The following CCDC3 variants were observed in gnomAD, a reference collection of about 807,000 sequenced individuals.
CCDC3 encodes coiled-coil domain containing 3.
Under a neutral mutation model 21.4 loss-of-function variants are expected in CCDC3, and 24 were observed. That is an observed-to-expected ratio of 1.12 (90% CI 0.81 to 1.58). CCDC3 has a LOEUF of 1.58. CCDC3 is among the 40% of genes most tolerant of loss of function. CCDC3 has a pLI of 0.00. For synonymous variants in CCDC3, 186 were observed against 166.0 expected (o/e 1.12, Z -0.93); for missense variants, 425 against 360.9 (o/e 1.18, Z -1.44).
At chr10:12,958,058 C>A (rs1016035449) in intron 2 of CCDC3, among the ~76,000 whole-genome samples, 2 of 152,020 alleles carry the variant, frequency 1.3e-5, no homozygotes, top group Non-Finnish European at 2.9e-5. Context: ...AACTCCTGAC[C>A]TCAGGTGATC....
chr10:12,917,846 G>A (rs149368539), intron 2 of CCDC3, among the ~76,000 whole-genome samples: 1 of 152,218 alleles, frequency 6.6e-6, no homozygotes, highest in East Asian at 1.9e-4. Flanking sequence ...TAAAGATTTT[G>A]ATGTGCCACG....
At chr10:12,925,041 C>T (rs930861228) in intron 2 of CCDC3, among the ~76,000 whole-genome samples, 2 of 152,154 alleles carry the variant, frequency 1.3e-5, no homozygotes, top group African/African-American at 2.4e-5. Context: ...TTCCAGAAGC[C>T]TCTGTGTGTT....
chr10:12,938,912 A>G (rs1834778952), intron 2 of CCDC3, among the ~76,000 whole-genome samples: 1 of 152,232 alleles, frequency 6.6e-6, no homozygotes, highest in Non-Finnish European at 1.5e-5. Context: ...GTTCTGGTCC[A>G]TAGCCCCAAT....
At chr10:13,090,034 GATATATATATATATATATAT>G (rs66476163) in intron 3 of CCDC3, among the ~76,000 whole-genome samples, 2,181 of 129,066 alleles carry the variant, frequency 0.017, 75 homozygotes, top group African/African-American at 0.063. Flanking sequence ...TATTCCGTTA[GATATATATATATATATATAT>G]ATATATATAT....
intron 4 of CCDC3, among the ~76,000 whole-genome samples, chr10:13,069,296 G>A (rs1192628909): frequency 6.6e-6 from 1 of 152,186 alleles, no homozygotes; most frequent in African/African-American, 2.4e-5. Context: ...GAAATTCCAT[G>A]TGTGAACATA....
chr10:12,913,657 C>G (rs749692915), intron 2 of CCDC3, among the ~76,000 whole-genome samples: 3 of 152,194 alleles, frequency 2.0e-5, no homozygotes, highest in Non-Finnish European at 4.4e-5. Context: ...TTGTCTTATT[C>G]CTGATCTTAG....
chr10:13,025,453 G>A (rs1044269474), intron 5 of CCDC3, among the ~76,000 whole-genome samples: 8 of 152,216 alleles, frequency 5.3e-5, no homozygotes, highest in Admixed American at 4.6e-4. Flanking sequence ...AAGCACTAAG[G>A]AGTAGTTTAG....
intron 2 of CCDC3, among the ~76,000 whole-genome samples, chr10:12,996,125 A>T (rs1312945275): frequency 6.6e-6 from 1 of 152,222 alleles, no homozygotes; most frequent in African/African-American, 2.4e-5. Context: ...CGGGCTTGGG[A>T]TGCTCAGGCT....
intron 5 of CCDC3, among the ~76,000 whole-genome samples, chr10:13,035,956 T>G (rs1836371965): frequency 6.6e-6 from 1 of 152,096 alleles, no homozygotes; most frequent in Non-Finnish European, 1.5e-5. Context: ...GCATCCCGGC[T>G]AACATGGTGA....
At chr10:12,986,414 T>C (rs1056386276) in intron 2 of CCDC3, among the ~76,000 whole-genome samples, 2 of 152,212 alleles carry the variant, frequency 1.3e-5, no homozygotes, top group African/African-American at 4.8e-5. Context: ...GGGACCCGTC[T>C]GTACATTTCT....
intron 4 of CCDC3, among the ~76,000 whole-genome samples, chr10:13,068,690 G>A (rs7893877): frequency 0.33 from 49,466 of 152,006 alleles, 8,327 homozygotes; most frequent in African/African-American, 0.39. Flanking sequence ...TATGCTGGAA[G>A]GAGTCAAACC....
intron 3 of CCDC3, among the ~76,000 whole-genome samples, chr10:13,075,491 T>C (rs1564340943): frequency 6.6e-6 from 1 of 152,012 alleles, no homozygotes; most frequent in African/African-American, 2.4e-5. Flanking sequence ...TGGGTAATGG[T>C]TTAGAAGCTC....
intron 2 of CCDC3, among the ~76,000 whole-genome samples, chr10:12,931,208 CAAAAAAAAAAAA>C (rs67541166): frequency 3.5e-4 from 26 of 75,048 alleles, no homozygotes; most frequent in African/African-American, 1.0e-3. Flanking sequence ...AAGACTCTGT[CAAAAAAAAAAAA>C]AAAAAAAAAA....
upstream of CCDC3, among the ~76,000 whole-genome samples, chr10:13,006,272 C>A (rs1181993294): frequency 6.6e-6 from 1 of 152,196 alleles, no homozygotes; most frequent in African/African-American, 2.4e-5. Flanking sequence ...GCAATCCTTG[C>A]AAATCAGTGA....
chr10:13,051,956 C>CCT (rs1280912974), intron 4 of CCDC3, among the ~76,000 whole-genome samples: 11 of 152,108 alleles, frequency 7.2e-5, no homozygotes, highest in Non-Finnish European at 1.5e-4. Context: ...ACAGAGGACT[C>CCT]CTCTCCTGGG....
At chr10:12,989,742 C>T (rs979919550) in intron 2 of CCDC3, among the ~76,000 whole-genome samples, 5 of 152,062 alleles carry the variant, frequency 3.3e-5, no homozygotes, top group African/African-American at 1.2e-4. Context: ...TTTAGGCAGT[C>T]CATGAGATCA....
At chr10:13,057,714 C>T (rs1836699563) in intron 4 of CCDC3, among the ~76,000 whole-genome samples, 1 of 151,976 alleles carries the variant, frequency 6.6e-6, no homozygotes, top group Non-Finnish European at 1.5e-5. Flanking sequence ...CCCATCTCTA[C>T]TAAAAATACA....
intron 3 of CCDC3, among the ~76,000 whole-genome samples, chr10:13,081,594 C>A (rs528262763): frequency 6.6e-6 from 1 of 152,300 alleles, no homozygotes; most frequent in East Asian, 1.9e-4. Flanking sequence ...TTATTTTCTT[C>A]CCTTTAACTA....
At chr10:12,998,612 A>C in intron 1 of CCDC3, 100 bp from the exon 2 acceptor site, 2 of 1,043,146 alleles carry the variant, frequency 1.9e-6, no homozygotes, top group Non-Finnish European at 2.8e-6. Flanking sequence ...TGCCAATTTC[A>C]CATCAATGTC....
Sources: gnomAD v4.1 joint callset for allele counts (sites outside exome capture counted in the v4.1 genomes callset) on GRCh38, gnomAD v4.1.1 for gene constraint, MANE v1.5 for transcripts, NCBI Gene and HGNC (gene_info 2026-07-23, HGNC 2026-07-21) for gene names.